CCSER1: variants seen among roughly 807,000 people sequenced by gnomAD.
CCSER1 encodes the protein coiled-coil serine rich protein 1.
Under a neutral mutation model 82.0 loss-of-function variants are expected in CCSER1, and 41 were observed. The observed-to-expected ratio is 0.50, with a 90% CI of 0.39 to 0.65. The LOEUF (loss-of-function observed/expected upper bound fraction) is 0.65. Ranked by LOEUF, CCSER1 falls within the 30% of genes least tolerant of loss-of-function variation. The pLI is 0.00. For synonymous variants in CCSER1, 414 were observed against 383.9 expected, an observed-to-expected ratio of 1.08 and a Z score of -0.92; for missense variants, 1,119 against 1,064.2, an observed-to-expected ratio of 1.05 and a Z score of -0.72.
intron 5 of CCSER1, among the ~76,000 whole-genome samples, chr4:90,495,420 T>C (rs17017058): frequency 0.029 from 4,488 of 152,232 alleles, 204 homozygotes; most frequent in African/African-American, 0.1. Flanking sequence ...GCCTACTTAC[T>C]TTAGAAATGG....
At chr4:90,700,845 T>TG (rs1255893448) in intron 6 of CCSER1, among the ~76,000 whole-genome samples, 3 of 152,010 alleles carry the variant, frequency 2.0e-5, no homozygotes, top group Non-Finnish European at 4.4e-5. Flanking sequence ...GTTTTTTTCT[T>TG]TTAATTTGTT....
chr4:91,195,470 T>C (rs557891894), intron 10 of CCSER1, among the ~76,000 whole-genome samples: 79 of 152,298 alleles, frequency 5.2e-4, no homozygotes, highest in African/African-American at 1.8e-3. Context: ...TTTTGTGGAA[T>C]AGTGTTATGA....
At chr4:90,273,727 C>A (rs940392744) in intron 1 of CCSER1, among the ~76,000 whole-genome samples, 2 of 152,114 alleles carry the variant, frequency 1.3e-5, no homozygotes, top group East Asian at 1.9e-4. Context: ...GAAGAATTCT[C>A]CCTGCTTCAC....
chr4:90,618,414 T>C (rs1469201235), intron 5 of CCSER1, among the ~76,000 whole-genome samples: 1 of 151,958 alleles, frequency 6.6e-6, no homozygotes, highest in East Asian at 1.9e-4. Flanking sequence ...GAAGCAAATA[T>C]ACATACAGTA....
At chr4:91,360,993 GA>G (rs1297228347) in intron 10 of CCSER1, among the ~76,000 whole-genome samples, 1 of 151,822 alleles carries the variant, frequency 6.6e-6, no homozygotes, top group African/African-American at 2.4e-5. Flanking sequence ...TGGAGTCAAT[GA>G]AATTCTTCAG....
intron 10 of CCSER1, among the ~76,000 whole-genome samples, chr4:91,534,133 C>CT (rs1296238483): frequency 1.3e-5 from 2 of 152,006 alleles, no homozygotes; most frequent in African/African-American, 4.8e-5. Context: ...TACTCCGTCA[C>CT]TTTTTTATAA....
At chr4:90,159,746 C>G (rs1048012014) in intron 1 of CCSER1, among the ~76,000 whole-genome samples, 1 of 152,092 alleles carries the variant, frequency 6.6e-6, no homozygotes, top group South Asian at 2.1e-4. Context: ...CTCAGGTGGT[C>G]AGTATTCTGT....
intron 4 of CCSER1, among the ~76,000 whole-genome samples, chr4:90,444,188 C>T (rs1304483270): frequency 1.3e-5 from 2 of 151,980 alleles, no homozygotes; most frequent in Non-Finnish European, 2.9e-5. Context: ...ATTATTTTGG[C>T]ACACCGAGGT....
Position 91,429,853 on chromosome 4 carries a change from GTTAA to G in CCSER1, c.2218-168714_2218-168711del, listed in dbSNP as rs558668048. On this transcript the variant is annotated intron_variant, in intron 10 of 10. Transcript: ENST00000509176. Reference sequence around the variant, plus strand: ...TTTTTTCCTTTAGCATGCTTTAAAAGTTAATTAAGATAAGTATATTCTATACTAG... The same window carrying G: ...TTTTTTCCTTTAGCATGCTTTAAAAGTTAAGATAAGTATATTCTATACTAG... Among the ~76,000 whole-genome samples the G allele has an allele frequency of 1.5e-4, 22 of 151,506 alleles. No homozygotes were observed. In the East Asian group the frequency reaches 3.9e-3, roughly 27 times the overall value.
At chr4:90,498,270 G>T (rs1262089459) in intron 5 of CCSER1, among the ~76,000 whole-genome samples, 1 of 152,070 alleles carries the variant, frequency 6.6e-6, no homozygotes, top group Non-Finnish European at 1.5e-5. Context: ...TGTAATAAAA[G>T]TTATGTGAAT....
In CCSER1 at chr4:91,154,664, C is replaced by A. The variant is rs918145876; in HGVS notation, c.2217+68670C>A. Among the ~76,000 whole-genome samples the A allele has an allele frequency of 1.8e-4, 27 of 152,034 alleles. 1 individual carries two copies. The highest frequency in any genetic ancestry group is 4.1e-4 in the South Asian group (2 of 4,822). The stretch of plus-strand genomic sequence containing the variant: ...CTCTTCCTATTTGGCCATCTTGGAA[C>A]CTTTTTCCCAGACATTCTTTTTAAA... On this transcript the variant is annotated intron_variant, in intron 10 of 10. Transcript: ENST00000509176.
At chr4:90,943,739 T>G (rs994166397) in intron 9 of CCSER1, among the ~76,000 whole-genome samples, 1 of 118,118 alleles carries the variant, frequency 8.5e-6, no homozygotes, top group Non-Finnish European at 1.8e-5. Context: ...ATTTTTTTTT[T>G]TTTTTTTTTT....
chr4:90,811,969 CA>C, intron 7 of CCSER1, among the ~76,000 whole-genome samples: 1 of 131,792 alleles, frequency 7.6e-6, no homozygotes, highest in African/African-American at 2.9e-5. Flanking sequence ...TATATATACA[CA>C]TATATATATA....
chr4:91,580,098 G>T (rs1296156827), intron 10 of CCSER1, among the ~76,000 whole-genome samples: 1 of 151,794 alleles, frequency 6.6e-6, no homozygotes, highest in Non-Finnish European at 1.5e-5. Context: ...GGATAGAAAT[G>T]ATTTACTGCC....
chr4:91,458,344 T>G (rs10856888), intron 10 of CCSER1, among the ~76,000 whole-genome samples: 102,686 of 151,936 alleles, frequency 0.68, 35,018 homozygotes, highest in East Asian at 0.89. Flanking sequence ...TGTGGATTTC[T>G]CTCTGGGTTC....
chr4:91,040,948 C>G (rs1256297909), intron 9 of CCSER1, among the ~76,000 whole-genome samples: 2 of 152,042 alleles, frequency 1.3e-5, no homozygotes, highest in Non-Finnish European at 2.9e-5. Flanking sequence ...GATGATGAAA[C>G]TTAGCAAATG....
chr4:90,731,475 A>C (rs2149404005), intron 7 of CCSER1, among the ~76,000 whole-genome samples: 1 of 152,290 alleles, frequency 6.6e-6, no homozygotes, highest in African/African-American at 2.4e-5. Flanking sequence ...ACTAAACATA[A>C]TTTGTGGTGG....
chr4:91,358,861 C>T (rs578017430), intron 10 of CCSER1, among the ~76,000 whole-genome samples: 8 of 152,178 alleles, frequency 5.3e-5, no homozygotes, highest in Admixed American at 3.9e-4. Context: ...CTGGAGTCCC[C>T]CTCAGGGATG....
chr4:91,202,512 G>A (rs1289961387), intron 10 of CCSER1, among the ~76,000 whole-genome samples: 2 of 151,982 alleles, frequency 1.3e-5, no homozygotes, highest in Non-Finnish European at 2.9e-5. Context: ...GCAACTAGTA[G>A]CCTTTGTCAC....
Sources: allele counts gnomAD v4.1 joint callset (sites outside exome capture counted in the v4.1 genomes callset), GRCh38; gene constraint gnomAD v4.1.1; transcripts MANE v1.5; gene names NCBI Gene and HGNC (gene_info 2026-07-23, HGNC 2026-07-21).